ATP8A2: variants seen among roughly 807,000 people sequenced by gnomAD.
The protein encoded by ATP8A2 is ATPase phospholipid transporting 8A2.
In ATP8A2, 100 loss-of-function variants were observed where a neutral mutation model predicts 165.6. That is an observed-to-expected ratio of 0.60 (90% CI 0.51 to 0.71). ATP8A2 has a LOEUF of 0.71. Among genes scored for constraint, ATP8A2 ranks in the 30% least tolerant of loss-of-function variants. The probability of loss-of-function intolerance (pLI) is 0.00; values close to 1 mark genes in which losing one functional copy is unlikely to be tolerated. For missense variants in ATP8A2, 1,227 were observed against 1,479.5 expected (o/e 0.83, Z 2.80); for synonymous variants, 543 against 548.8 (o/e 0.99, Z 0.15).
rs145033697 is a variant in ATP8A2 at position 25,785,371 on chromosome 13, A to T, written c.2679+10412A>T. Among the ~76,000 whole-genome samples the T allele has an allele frequency of 4.6e-3, 702 of 152,076 alleles. 5 individuals are homozygous for T. The highest frequency in any genetic ancestry group is 0.016 in the African/African-American group (652 of 41,522). On this transcript the variant is annotated intron_variant, in intron 27 of 36. Coordinates refer to ENST00000381655, the MANE Select transcript of ATP8A2 (RefSeq NM_016529.6). Reference sequence around the variant, plus strand: ...GCTGAGAGTGAGACTCCTTCTCAAAAAATAATAATAATAATAATTTTGATT... The same window carrying T: ...GCTGAGAGTGAGACTCCTTCTCAAATAATAATAATAATAATAATTTTGATT...
intron 33 of ATP8A2, among the ~76,000 whole-genome samples, chr13:25,897,055 T>G (rs973484213): frequency 3.3e-5 from 5 of 152,234 alleles, no homozygotes; most frequent in African/African-American, 1.2e-4. Context: ...TATTGTTATG[T>G]GTGAATTTGA....
At chr13:25,631,507 AAC>A (rs1303334938) in intron 24 of ATP8A2, among the ~76,000 whole-genome samples, 1 of 152,118 alleles carries the variant, frequency 6.6e-6, no homozygotes, top group African/African-American at 2.4e-5. Context: ...AACTTTATGA[AAC>A]ATCATTTTGT....
chr13:25,463,130 T>C (rs1257341307), intron 1 of ATP8A2, among the ~76,000 whole-genome samples: 1 of 149,754 alleles, frequency 6.7e-6, no homozygotes, highest in Non-Finnish European at 1.5e-5. Flanking sequence ...TGAAGTGTTT[T>C]TTTTTTTTTT....
chr13:25,918,596 A>G (rs1954337819), intron 33 of ATP8A2, among the ~76,000 whole-genome samples: 1 of 152,194 alleles, frequency 6.6e-6, no homozygotes, highest in Admixed American at 6.5e-5. Flanking sequence ...ATAATATATT[A>G]TAATTGCTTA....
chr13:25,769,315 C>A, intron 26 of ATP8A2, 86 bp downstream of exon 26: 1 of 1,320,126 alleles, frequency 7.6e-7, no homozygotes, highest in South Asian at 1.4e-5. Flanking sequence ...TTCAGTGCAT[C>A]TCCAAACCTC....
intron 24 of ATP8A2, among the ~76,000 whole-genome samples, chr13:25,623,571 C>T (rs900856658): frequency 1.3e-5 from 2 of 152,010 alleles, no homozygotes; most frequent in African/African-American, 4.8e-5. Flanking sequence ...TCACCAAATA[C>T]GTGTTTTGAA....
intron 33 of ATP8A2, chr13:25,881,044 G>C (rs1457572121): frequency 2.7e-6 from 1 of 374,832 alleles, no homozygotes; most frequent in South Asian, 2.0e-5. Flanking sequence ...ATTGCTGGAG[G>C]TATTACATGT....
chr13:25,538,590 C>G (rs1230133923), intron 7 of ATP8A2, among the ~76,000 whole-genome samples: 1 of 152,094 alleles, frequency 6.6e-6, no homozygotes, highest in Non-Finnish European at 1.5e-5. Context: ...TAGTTTTATT[C>G]TAGGAAGGAA....
At chr13:25,981,610 T>C (rs1956171441) in intron 35 of ATP8A2, among the ~76,000 whole-genome samples, 1 of 152,212 alleles carries the variant, frequency 6.6e-6, no homozygotes, top group Admixed American at 6.5e-5. Context: ...ATTTTATATG[T>C]ATTATATGAA....
intron 33 of ATP8A2, among the ~76,000 whole-genome samples, chr13:25,895,967 A>G (rs1338027261): frequency 5.3e-5 from 8 of 151,960 alleles, no homozygotes; most frequent in Non-Finnish European, 1.0e-4. Flanking sequence ...AATTTTGTTG[A>G]TCTTTTCAAA....
Position 25,581,969 on chromosome 13 carries a change from T to C in ATP8A2, c.2146+12T>C. On this transcript the variant is annotated intron_variant, in intron 23 of 36. Coordinates refer to ENST00000381655, the MANE Select transcript of ATP8A2 (RefSeq NM_016529.6). ...TGCGATTAATATAGGTAATTATTTT[T>C]ACAAATAATTTCCTGATGCTGGGTT... The C allele has an allele frequency of 6.3e-7, 1 of 1,594,958 alleles. No homozygotes were observed. Among genetic ancestry groups the C allele is most frequent in the East Asian group, 2.2e-5 (1 of 44,784 alleles).
intron 24 of ATP8A2, among the ~76,000 whole-genome samples, chr13:25,657,821 A>G (rs1444758705): frequency 1.3e-5 from 2 of 152,234 alleles, no homozygotes; most frequent in African/African-American, 4.8e-5. Context: ...AATTTAGTAC[A>G]TATTTTCTCT....
chr13:25,843,923 C>T (rs764082913), intron 30 of ATP8A2, among the ~76,000 whole-genome samples: 4 of 152,102 alleles, frequency 2.6e-5, no homozygotes, highest in Non-Finnish European at 4.4e-5. Flanking sequence ...GGGACTTTTT[C>T]TCAGGGCAGG....
chr13:25,434,840 T>G lies in ATP8A2; in HGVS notation c.77-34137T>G, dbSNP rs553972254. ...ATAGGCTTGCTGCATACTTGGTATT[T>G]TCTCCAGCATGCACGTGTTCTATTG... is the stretch of plus-strand genomic sequence containing the variant. On this transcript the variant is annotated intron_variant, in intron 1 of 36. Coordinates refer to ENST00000381655, the MANE Select transcript of ATP8A2 (RefSeq NM_016529.6). Among the ~76,000 whole-genome samples the G allele has an allele frequency of 1.9e-3, 288 of 152,352 alleles. 3 individuals carry two copies. The highest frequency in any genetic ancestry group is 6.8e-3 in the African/African-American group (283 of 41,580).
In ATP8A2 at chr13:25,643,072, G is replaced by A. The variant is rs540067905; in HGVS notation, c.2211+53373G>A. Among the ~76,000 whole-genome samples the A allele has an allele frequency of 3.3e-5, 5 of 152,270 alleles. No individual in the cohort carries two copies. The South Asian group carries it at 1.0e-3, about 32-fold the overall frequency. ...ACATCGGATCCTGTTGTGGGATGGG[G>A]GGAGGGGAGAGGGATAGCATTAGGA... On this transcript the variant is annotated intron_variant, in intron 24 of 36. Transcript: ENST00000381655.
At chr13:25,808,699 T>A (rs1343587205) in intron 27 of ATP8A2, among the ~76,000 whole-genome samples, 1 of 152,028 alleles carries the variant, frequency 6.6e-6, no homozygotes, top group East Asian at 1.9e-4. Flanking sequence ...CCTCCCAAAG[T>A]GCTGGTATTA....
At chr13:25,509,904 GATT>G (rs1317387284) in intron 2 of ATP8A2, among the ~76,000 whole-genome samples, 1 of 152,118 alleles carries the variant, frequency 6.6e-6, no homozygotes, top group Non-Finnish European at 1.5e-5. Flanking sequence ...GTTCTCTGAG[GATT>G]ATTATTAGAT....
At chr13:25,579,004 T>C (rs573160622) in intron 21 of ATP8A2, 105 bp downstream of exon 21, 2 of 788,946 alleles carry the variant, frequency 2.5e-6, no homozygotes, top group African/African-American at 1.7e-5. Flanking sequence ...CCCCATCCCC[T>C]CCTGTGCCCA....
intron 25 of ATP8A2, among the ~76,000 whole-genome samples, chr13:25,763,118 C>A (rs1256646816): frequency 1.3e-5 from 2 of 152,164 alleles, no homozygotes; most frequent in Admixed American, 6.5e-5. Flanking sequence ...GCTGCAAAAA[C>A]AACCAAAGCT....
Sources: allele counts gnomAD v4.1 joint callset (sites outside exome capture counted in the v4.1 genomes callset), GRCh38; gene constraint gnomAD v4.1.1; transcripts MANE v1.5; gene names NCBI Gene and HGNC (gene_info 2026-07-23, HGNC 2026-07-21).